The following DIS3L2 variants were observed in gnomAD, a reference collection of about 807,000 sequenced individuals.
The protein encoded by DIS3L2 is DIS3-like exonuclease 2.
In DIS3L2, 34 loss-of-function variants were observed where a neutral mutation model predicts 97.5. The observed-to-expected ratio is 0.35, with a 90% CI of 0.27 to 0.46. DIS3L2 has a LOEUF of 0.46. DIS3L2 is among the 20% of genes least tolerant of loss of function. DIS3L2 has a pLI of 1.00. For missense variants in DIS3L2, 1,038 were observed against 1,146.0 expected (o/e 0.91, Z 1.36); for synonymous variants, 435 against 445.2 (o/e 0.98, Z 0.29).
chr2:232,197,957 T>TC (rs1041305528), intron 9 of DIS3L2, among the ~76,000 whole-genome samples: 1 of 147,958 alleles, frequency 6.8e-6, no homozygotes, highest in Non-Finnish European at 1.5e-5. Context: ...AGAGTGAGAC[T>TC]CCATCTCATT....
chr2:232,135,474 G>A lies in DIS3L2; in HGVS notation c.703-998G>A, dbSNP rs577304338. On this transcript the variant is annotated intron_variant, in intron 7 of 20. Coordinates refer to ENST00000325385, the MANE Select transcript of DIS3L2 (RefSeq NM_152383.5). ...GTTACATGCAAGGGAGTGGCGAAGG[G>A]GGGTGTCCCACAGCCTTCTTGAAAG... Among the ~76,000 whole-genome samples, 4 of 152,290 alleles carry A rather than the reference G, an allele frequency of 2.6e-5. No homozygotes were observed. In the East Asian group the frequency reaches 7.7e-4, roughly 29 times the overall value.
rs567611268 is a variant in DIS3L2, at chr2:232,087,573, G to T, written c.453G>T (p.Pro151=). 1.9e-6 allele frequency: 3 copies of T among 1,613,982 alleles called. No individual in the cohort carries two copies. The highest frequency in any genetic ancestry group is 8.5e-7 in the Non-Finnish European group (1 of 1,180,006). Residue 151 remains proline (P), a synonymous_variant, in exon 6 of 21, where the codon CCG becomes CCT. Transcript: ENST00000325385. Reference sequence around the variant, plus strand: ...AGGAGCTCTGTGGACACCATCTCCCGCAACAGTCCCTGAAAAGCTATAATG... The same window carrying T: ...AGGAGCTCTGTGGACACCATCTCCCTCAACAGTCCCTGAAAAGCTATAATG... ...IPEELCGHHL[P]QQSLKSYNDS...
At chr2:232,220,943 A>G (rs1472868484) in intron 10 of DIS3L2, among the ~76,000 whole-genome samples, 1 of 151,792 alleles carries the variant, frequency 6.6e-6, no homozygotes, top group East Asian at 1.9e-4. Context: ...TCTCTACTAA[A>G]AAATACAAAA....
In DIS3L2 at chr2:232,336,837, A is replaced by AAT. The variant is rs1695972920; in HGVS notation, c.*207_*208insAT. 11 of 1,401,886 alleles carry AAT rather than the reference A, an allele frequency of 7.8e-6. No individual in the cohort carries two copies. Among genetic ancestry groups the AAT allele is most frequent in the Admixed American group, 3.0e-5 (1 of 33,568 alleles). The allele number at this position is 1,401,886 out of a possible 1,614,324, so 86.8% of individuals were successfully genotyped here. ...GAAGGAAGGCTGAGGCCTGGTCAGC[A>AAT]GTGACCCCAGCAGAGCAGGCCCCAG... On this transcript the variant is annotated 3_prime_UTR_variant, in exon 21 of 21. Transcript: ENST00000325385.
At chr2:232,046,119 C>T (rs2045085) in intron 5 of DIS3L2, among the ~76,000 whole-genome samples, 118,141 of 152,126 alleles carry the variant, frequency 0.78, 46,471 homozygotes, top group African/African-American at 0.89. Context: ...CATTTCTTTT[C>T]CTTGAAATTA....
At chr2:232,022,237 C>CT (rs1193287673) in intron 3 of DIS3L2, among the ~76,000 whole-genome samples, 1 of 152,152 alleles carries the variant, frequency 6.6e-6, no homozygotes, top group African/African-American at 2.4e-5. Context: ...CTCAAGGGCT[C>CT]TGTTTCCGAG....
intron 5 of DIS3L2, among the ~76,000 whole-genome samples, chr2:232,078,792 A>C (rs1257935211): frequency 6.6e-6 from 1 of 152,254 alleles, no homozygotes; most frequent in Non-Finnish European, 1.5e-5. Flanking sequence ...GCAGTAAAGA[A>C]ATTGAGAAGT....
At position 232,337,139 on chromosome 2, in the gene DIS3L2, A is replaced by T; in HGVS notation, c.*509A>T. 2 of 1,010,094 alleles carry T rather than the reference A, an allele frequency of 2.0e-6. No individual in the cohort carries two copies. The highest frequency in any genetic ancestry group is 1.2e-6 in the Non-Finnish European group (1 of 847,266). 62.6% of individuals were successfully genotyped at this position (1,010,094 alleles called of 1,614,324 possible). ...CGATTCAGAGCTGGCTGCCTGGCAG[A>T]TGATTGATACTGGAGTCTCATTCTG... On this transcript the variant is annotated 3_prime_UTR_variant, in exon 21 of 21. Coordinates refer to ENST00000325385, the MANE Select transcript of DIS3L2 (RefSeq NM_152383.5).
intron 1 of DIS3L2, chr2:231,978,719 C>T (rs1391650526): frequency 6.6e-6 from 1 of 152,190 alleles, no homozygotes; most frequent in Non-Finnish European, 1.5e-5. Context: ...TTTTACCTCG[C>T]CTTGGGCAGG....
chr2:232,017,673 T>G (rs1315404836), intron 3 of DIS3L2, among the ~76,000 whole-genome samples: 3 of 152,186 alleles, frequency 2.0e-5, no homozygotes, highest in Non-Finnish European at 4.4e-5. Context: ...TTCCAGTCTT[T>G]TCCTCTAAAA....
Position 232,335,760 on chromosome 2 carries a change from G to A in DIS3L2, c.2395-13G>A, listed in dbSNP as rs374738789. On this transcript the variant is annotated splice_polypyrimidine_tract_variant and intron_variant, in intron 19 of 20. Coordinates refer to ENST00000325385, the MANE Select transcript of DIS3L2 (RefSeq NM_152383.5). Reference sequence around the variant, plus strand: ...CCAGAGCTGAGGCCTGAGGCTTGGTGTTTGCACTCCAGGCACTGGCCCTGC... The same window carrying A: ...CCAGAGCTGAGGCCTGAGGCTTGGTATTTGCACTCCAGGCACTGGCCCTGC... The A allele has an allele frequency of 5.2e-6, 8 of 1,550,106 alleles. No individual in the cohort carries two copies. The highest frequency in any genetic ancestry group is 4.9e-5 in the East Asian group (2 of 40,920).
At chr2:232,185,481 T>TA (rs1304889848) in intron 9 of DIS3L2, among the ~76,000 whole-genome samples, 1 of 152,140 alleles carries the variant, frequency 6.6e-6, no homozygotes, top group African/African-American at 2.4e-5. Flanking sequence ...TCCAAGTGCT[T>TA]ACATTAAAAA....
rs113287165 is a variant in DIS3L2, at chr2:232,132,208, T to C, written c.702+1489T>C. 1.2e-4 allele frequency among the ~76,000 whole-genome samples: 18 copies of C among 152,250 alleles called. 2 individuals are homozygous for C. The highest frequency in any genetic ancestry group is 4.3e-4 in the African/African-American group (18 of 41,548). On this transcript the variant is annotated intron_variant, in intron 7 of 20. Transcript: ENST00000325385. ...TCTTTTGGATAATGTTTTTAATGGA[T>C]TCAACCAAAAATTACAAGGCAAACA... is the stretch of plus-strand genomic sequence containing the variant.
chr2:232,175,258 A>G (rs1691120199), intron 9 of DIS3L2, among the ~76,000 whole-genome samples: 1 of 152,014 alleles, frequency 6.6e-6, no homozygotes, highest in African/African-American at 2.4e-5. Context: ...ATTTTGTCAA[A>G]TGGTTTTTCT....
chr2:232,055,742 T>C (rs1695529500), intron 5 of DIS3L2, among the ~76,000 whole-genome samples: 1 of 152,204 alleles, frequency 6.6e-6, no homozygotes, highest in Non-Finnish European at 1.5e-5. Flanking sequence ...TGAGCACAGT[T>C]ACAATAGTTT....
In DIS3L2 at chr2:232,316,251, G is replaced by T. The variant is rs151030869; in HGVS notation, c.1740-13562G>T. Among the ~76,000 whole-genome samples, 344 of 152,256 alleles carry T rather than the reference G, an allele frequency of 2.3e-3. 3 individuals carry two copies. Among genetic ancestry groups the T allele is most frequent in the South Asian group, 6.4e-3 (31 of 4,834 alleles). On this transcript the variant is annotated intron_variant, in intron 14 of 20. Coordinates refer to ENST00000325385, the MANE Select transcript of DIS3L2 (RefSeq NM_152383.5). ...TGTGCTACCTAGAATAAGAAGGAAG[G>T]AGTCATTCTACAGAGAGGATTTATT... is the stretch of plus-strand genomic sequence containing the variant.
chr2:232,156,388 G>A (rs768192642), intron 8 of DIS3L2, among the ~76,000 whole-genome samples: 1 of 152,048 alleles, frequency 6.6e-6, no homozygotes, highest in Non-Finnish European at 1.5e-5. Context: ...ATTTTTGGGA[G>A]TTCTTGAGAG....
chr2:232,318,206 T>A (rs1695330815), intron 14 of DIS3L2, among the ~76,000 whole-genome samples: 1 of 152,242 alleles, frequency 6.6e-6, no homozygotes, highest in African/African-American at 2.4e-5. Flanking sequence ...CTTGCAAGAA[T>A]CTTCAGGAAG....
intron 9 of DIS3L2, among the ~76,000 whole-genome samples, chr2:232,189,457 A>T (rs929725969): frequency 2.0e-5 from 3 of 152,218 alleles, no homozygotes; most frequent in East Asian, 1.9e-4. Context: ...AGGGTTACAT[A>T]TGTACTGTAT....
Sources: gnomAD v4.1 joint callset for allele counts (sites outside exome capture counted in the v4.1 genomes callset) on GRCh38, gnomAD v4.1.1 for gene constraint, MANE v1.5 for transcripts, NCBI Gene and HGNC (gene_info 2026-07-23, HGNC 2026-07-21) for gene names.